The following PCDH15 variants were observed in gnomAD, a reference collection of about 807,000 sequenced individuals.
PCDH15 encodes the protein protocadherin-15.
PCDH15 carries 129 observed loss-of-function variants against 178.5 expected under a neutral mutation model. The ratio of observed to expected loss-of-function variants is 0.72; its 90% CI spans 0.63 to 0.84. The LOEUF is 0.84. PCDH15 is among the 40% of genes least tolerant of loss of function. The pLI, the probability that PCDH15 is intolerant of heterozygous loss-of-function variation, is 0.00. For synonymous variants in PCDH15, 800 were observed against 732.0 expected (o/e 1.09, Z -1.50); for missense variants, 2,230 against 2,099.9 (o/e 1.06, Z -1.21).
chr10:53,845,861 G>A (rs937353157), intron 28 of PCDH15, among the ~76,000 whole-genome samples: 1 of 151,770 alleles, frequency 6.6e-6, no homozygotes, highest in Non-Finnish European at 1.5e-5. Context: ...AAAACAGCTA[G>A]ATAAGAAGAA....
At chr10:54,421,551 T>C (rs1383954723) in intron 3 of PCDH15, among the ~76,000 whole-genome samples, 5 of 143,392 alleles carry the variant, frequency 3.5e-5, no homozygotes, top group African/African-American at 1.0e-4. Flanking sequence ...AAGTAGTATG[T>C]TAACTAATTC....
At position 53,995,692 on chromosome 10, in the gene PCDH15, C is replaced by T. The variant is rs1331199701; in HGVS notation, c.2825G>A (p.Gly942Asp). The T allele has an allele frequency of 1.9e-6, 3 of 1,613,660 alleles. No homozygotes were observed. Among genetic ancestry groups the T allele is most frequent in the Non-Finnish European group, 2.5e-6 (3 of 1,179,808 alleles). Reference sequence around the variant, plus strand: ...AGCATAAACTGTTGTGATAGGTGTACCCTTGACTGCATCCGGAGCCACCAT... The same window carrying T: ...AGCATAAACTGTTGTGATAGGTGTATCCTTGACTGCATCCGGAGCCACCAT... ...KGMVAPDAVK[G>D]TPITTVYAED... The change falls in exon 21 of 38, where the codon GGT (glycine) becomes GAT (aspartate). Residue 942 changes from glycine to aspartate, a missense_variant. Physicochemically the swap from Gly to Asp is moderately conservative, Grantham distance 94. Coordinates refer to ENST00000644397, the MANE Select transcript of PCDH15 (RefSeq NM_001384140.1).
chr10:53,888,668 T>G (rs1405572964), intron 26 of PCDH15, among the ~76,000 whole-genome samples: 6 of 27,748 alleles, frequency 2.2e-4, no homozygotes, highest in African/African-American at 7.2e-4. Flanking sequence ...AAGTTTGATA[T>G]ATATATATAT....
intron 2 of PCDH15, among the ~76,000 whole-genome samples, chr10:54,621,588 C>G (rs934623783): frequency 4.6e-5 from 7 of 151,898 alleles, no homozygotes; most frequent in African/African-American, 1.7e-4. Context: ...TACATAGTCT[C>G]TATCTATTTT....
chr10:55,509,653 T>C (rs1260168453), intron 2 of PCDH15, among the ~76,000 whole-genome samples: 2 of 151,864 alleles, frequency 1.3e-5, no homozygotes, highest in African/African-American at 4.8e-5. Flanking sequence ...GAAATTAATA[T>C]GTCATGATAT....
chr10:55,426,452 T>C (rs1377536773), intron 2 of PCDH15, among the ~76,000 whole-genome samples: 1 of 152,134 alleles, frequency 6.6e-6, no homozygotes, highest in Admixed American at 6.5e-5. Flanking sequence ...GGCAGAATCT[T>C]TGGGTGCTGG....
intron 2 of PCDH15, among the ~76,000 whole-genome samples, chr10:55,513,528 T>A (rs1488225182): frequency 6.6e-6 from 1 of 152,140 alleles, no homozygotes; most frequent in African/African-American, 2.4e-5. Context: ...CACAATTACA[T>A]CACAGGTGAT....
chr10:54,110,862 G>A lies in PCDH15; in HGVS notation c.1918-20799C>T, dbSNP rs562750367. Among the ~76,000 whole-genome samples, 13 of 152,186 alleles carry A rather than the reference G, an allele frequency of 8.5e-5. No homozygotes were observed. In the South Asian group the frequency reaches 1.2e-3, roughly 15 times the overall value. ...TTTTTAAAAAAGTATTTGAAACCAC[G>A]AGACATATAATTGAATTTTTCAGTT... On this transcript the variant is annotated intron_variant, in intron 15 of 37. Transcript: ENST00000644397.
At chr10:55,168,998 G>T (rs1839265250) in intron 1 of PCDH15, among the ~76,000 whole-genome samples, 2 of 152,076 alleles carry the variant, frequency 1.3e-5, no homozygotes, top group African/African-American at 2.4e-5. Flanking sequence ...CTTAGAGTGA[G>T]TACCAACTCT....
At chr10:55,371,770 C>T (rs887295133) in intron 2 of PCDH15, among the ~76,000 whole-genome samples, 3 of 152,014 alleles carry the variant, frequency 2.0e-5, no homozygotes, top group African/African-American at 4.8e-5. Flanking sequence ...TACCCAGTCT[C>T]AGGTAGTTTT....
intron 8 of PCDH15, among the ~76,000 whole-genome samples, chr10:54,307,107 TATATATATATATATATATATATA>T (rs2060591939): frequency 4.5e-5 from 1 of 22,138 alleles, no homozygotes. Flanking sequence ...TGTGTGTGTA[TATATATATATATATATATATATA>T]TATATATATA....
chr10:55,376,488 C>T (rs1226785835), intron 2 of PCDH15, among the ~76,000 whole-genome samples: 1 of 152,022 alleles, frequency 6.6e-6, no homozygotes, highest in Non-Finnish European at 1.5e-5. Flanking sequence ...CTACAAGGGC[C>T]AGAAGTATTT....
rs527633444 is a variant in PCDH15 at position 53,845,422 on chromosome 10, A to G, written c.3807-4926T>C. ...ATCAATATATTGAAGAGTTATCTGCATGCCTATGTTTATCACAGCACTATT... is the reference window on the plus strand; with the variant it reads ...ATCAATATATTGAAGAGTTATCTGCGTGCCTATGTTTATCACAGCACTATT... On this transcript the variant is annotated intron_variant, in intron 28 of 37. Transcript: ENST00000644397. 2.4e-4 allele frequency among the ~76,000 whole-genome samples: 36 copies of G among 152,116 alleles called. 1 individual carries two copies. In the South Asian group the frequency reaches 6.0e-3, roughly 25 times the overall value.
intron 6 of PCDH15, among the ~76,000 whole-genome samples, chr10:54,337,154 A>G (rs1040296648): frequency 6.6e-6 from 1 of 151,840 alleles, no homozygotes; most frequent in East Asian, 1.9e-4. Context: ...CCCCCATTTT[A>G]TCTAGGAAGT....
chr10:54,537,159 C>A (rs2084662387), intron 2 of PCDH15, among the ~76,000 whole-genome samples: 1 of 151,984 alleles, frequency 6.6e-6, no homozygotes, highest in Non-Finnish European at 1.5e-5. Flanking sequence ...CTACCATGCC[C>A]AGCTAATTTT....
chr10:54,959,763 C>A (rs1317160127), intron 2 of PCDH15, among the ~76,000 whole-genome samples: 1 of 151,964 alleles, frequency 6.6e-6, no homozygotes, highest in Admixed American at 6.6e-5. Context: ...AATAATCAGA[C>A]AAATAAAAAT....
chr10:55,197,767 T>C (rs1201708397), intron 1 of PCDH15, among the ~76,000 whole-genome samples: 1 of 152,122 alleles, frequency 6.6e-6, no homozygotes, highest in African/African-American at 2.4e-5. Context: ...ATTTTGCTTT[T>C]AAGTGGTATT....
intron 2 of PCDH15, among the ~76,000 whole-genome samples, chr10:55,511,754 G>T (rs189438554): frequency 6.6e-6 from 1 of 151,826 alleles, no homozygotes; most frequent in Non-Finnish European, 1.5e-5. Flanking sequence ...TTATGTATTC[G>T]CTATTTGTAT....
At chr10:55,402,575 T>C in intron 2 of PCDH15, among the ~76,000 whole-genome samples, 1 of 152,042 alleles carries the variant, frequency 6.6e-6, no homozygotes, top group Non-Finnish European at 1.5e-5. Flanking sequence ...TATACAATTT[T>C]TGTCTTTCTG....
Sources: gnomAD v4.1 joint callset for allele counts (sites outside exome capture counted in the v4.1 genomes callset) on GRCh38, gnomAD v4.1.1 for gene constraint, MANE v1.5 for transcripts, NCBI Gene and HGNC (gene_info 2026-07-23, HGNC 2026-07-21) for gene names.